The following SMC5 variants were observed in gnomAD, a reference collection of about 807,000 sequenced individuals.
The protein encoded by SMC5 is structural maintenance of chromosomes protein 5.
Under a neutral mutation model 148.3 loss-of-function variants are expected in SMC5, and 88 were observed. The observed-to-expected ratio is 0.59, with a 90% CI of 0.50 to 0.71. The LOEUF is 0.71. Ranked by LOEUF, SMC5 falls within the 30% of genes least tolerant of loss-of-function variation. The probability of loss-of-function intolerance (pLI) is 0.00; values close to 1 mark genes in which losing one functional copy is unlikely to be tolerated. For missense variants in SMC5, 1,142 were observed against 1,298.9 expected, an observed-to-expected ratio of 0.88 and a Z score of 1.86; for synonymous variants, 421 against 432.8, an observed-to-expected ratio of 0.97 and a Z score of 0.34.
At position 70,259,090 on chromosome 9, in the gene SMC5, G is replaced by C; in HGVS notation, c.12G>C (p.Pro4=). The part of the protein sequence containing the change: MAT[P]SKKTSTPSPQ... ...CTGAGGAAGCCAGGATGGCGACTCCGAGCAAGAAGACGTCAACTCCAAGCC... is the reference window on the plus strand; with the variant it reads ...CTGAGGAAGCCAGGATGGCGACTCCCAGCAAGAAGACGTCAACTCCAAGCC... The change falls in exon 1 of 25, where the codon CCG becomes CCC. Residue 4 remains proline, a synonymous_variant. Transcript: ENST00000361138. The C allele has an allele frequency of 6.2e-7, 1 of 1,606,992 alleles. No homozygotes were observed. Among genetic ancestry groups the C allele is most frequent in the Admixed American group, 1.7e-5 (1 of 59,246 alleles).
chr9:70,269,584 AAAAAAC>A (rs1447507374), intron 3 of SMC5, among the ~76,000 whole-genome samples: 1 of 152,192 alleles, frequency 6.6e-6, no homozygotes, highest in African/African-American at 2.4e-5. Context: ...CTGTCTGCAA[AAAAAAC>A]AAAAACAAAA....
At chr9:70,325,179 A>G (rs1053402622) in intron 17 of SMC5, among the ~76,000 whole-genome samples, 10 of 152,190 alleles carry the variant, frequency 6.6e-5, no homozygotes, top group Admixed American at 5.2e-4. Flanking sequence ...GGCATTTTCT[A>G]TCCCCATCCT....
intron 17 of SMC5, among the ~76,000 whole-genome samples, chr9:70,327,246 A>T (rs929918534): frequency 6.6e-6 from 1 of 152,236 alleles, no homozygotes; most frequent in Admixed American, 6.5e-5. Flanking sequence ...TCATCTTTTC[A>T]TAACAAAAGT....
intron 17 of SMC5, among the ~76,000 whole-genome samples, chr9:70,337,050 T>G (rs1215493560): frequency 2.6e-5 from 4 of 152,102 alleles, no homozygotes; most frequent in African/African-American, 9.7e-5. Context: ...TCGTGAGACT[T>G]ACTGTCATGA....
intron 3 of SMC5, among the ~76,000 whole-genome samples, chr9:70,275,369 T>G: frequency 6.6e-6 from 1 of 152,074 alleles, no homozygotes; most frequent in South Asian, 2.1e-4. Flanking sequence ...TTTTAAATTT[T>G]TTTTATTTTT....
chr9:70,288,378 AT>A (rs528206299), intron 8 of SMC5, among the ~76,000 whole-genome samples: 1 of 151,782 alleles, frequency 6.6e-6, no homozygotes, highest in African/African-American at 2.4e-5. Context: ...TTGTGTATCC[AT>A]TTTTTCCCCC....
In SMC5 at chr9:70,304,807, T is replaced by C. The variant is rs532145692; in HGVS notation, c.1465-440T>C. Among the ~76,000 whole-genome samples the C allele has an allele frequency of 1.3e-4, 20 of 152,140 alleles. No individual in the cohort carries two copies. In the East Asian group the frequency reaches 1.7e-3, roughly 13 times the overall value. ...TAAGCCATAGCAAGGTTTTTTTTTT[T>C]CCCCATTAGTTTTATAAAGTTTAAA... On this transcript the variant is annotated intron_variant, in intron 10 of 24. Transcript: ENST00000361138.
chr9:70,309,238 A>C (rs1351626952), intron 11 of SMC5, among the ~76,000 whole-genome samples: 1 of 149,716 alleles, frequency 6.7e-6, no homozygotes, highest in East Asian at 2.0e-4. Context: ...TACCACATTG[A>C]TCAACTCTTC....
intron 3 of SMC5, among the ~76,000 whole-genome samples, chr9:70,269,448 T>C (rs993435332): frequency 1.3e-5 from 2 of 151,986 alleles, no homozygotes; most frequent in East Asian, 1.9e-4. Flanking sequence ...CAGGCCTGGC[T>C]GCGCACCTGT....
At chr9:70,304,826 G>A (rs2035455654) in intron 10 of SMC5, among the ~76,000 whole-genome samples, 1 of 151,758 alleles carries the variant, frequency 6.6e-6, no homozygotes, top group South Asian at 2.1e-4. Flanking sequence ...GTTTTATAAA[G>A]TTTAAAGTTC....
intron 3 of SMC5, among the ~76,000 whole-genome samples, chr9:70,270,215 G>A (rs569835672): frequency 6.6e-6 from 1 of 152,268 alleles, no homozygotes; most frequent in Non-Finnish European, 1.5e-5. Context: ...GCTAGGATGG[G>A]AAACACTTAG....
chr9:70,317,645 C>T (rs2035837755), intron 13 of SMC5, among the ~76,000 whole-genome samples: 1 of 152,068 alleles, frequency 6.6e-6, no homozygotes, highest in Admixed American at 6.6e-5. Flanking sequence ...TTGGAAACAA[C>T]CTCTAAAAAT....
chr9:70,318,758 T>C lies in SMC5; in HGVS notation c.1981-36T>C, dbSNP rs779637231. The stretch of plus-strand genomic sequence containing the variant: ...TTCTAATAGTTTCACTGGAACAGTT[T>C]TTTAAATATGTTAACAATTTTTAAA... On this transcript the variant is annotated intron_variant, in intron 14 of 24. Transcript: ENST00000361138. 5.2e-6 allele frequency: 8 copies of C among 1,552,146 alleles called. No homozygotes were observed. In the African/African-American group the frequency reaches 7.0e-5, roughly 14 times the overall value.
chr9:70,295,708 G>A (rs2035184180), intron 8 of SMC5, among the ~76,000 whole-genome samples: 1 of 152,052 alleles, frequency 6.6e-6, no homozygotes, highest in African/African-American at 2.4e-5. Context: ...AGGGATCGTT[G>A]GGCTGCTTTT....
In SMC5 at chr9:70,344,153, AT is replaced by A; in HGVS notation, c.2409del (p.Ile803MetfsTer18). The A allele has an allele frequency of 6.6e-7, 1 of 1,520,198 alleles. No homozygotes were observed. The highest frequency in any genetic ancestry group is 8.8e-7 in the Non-Finnish European group (1 of 1,133,396). 94.2% of individuals were successfully genotyped at this position (1,520,198 alleles called of 1,614,324 possible). ...SQLRLTEQHFIELDENRQRLL... is the reference protein window; with the variant it reads ...SQLRLTEQHFXELDENRQRLL... ...TAAATTTTTTTAATAGCAACATTTCATTGAATTGGATGAAAATAGACAGAGA... is the reference window on the plus strand; with the variant it reads ...TAAATTTTTTTAATAGCAACATTTCATGAATTGGATGAAAATAGACAGAGA... On this transcript the variant is annotated frameshift_variant, in exon 18 of 25. Transcript: ENST00000361138. LOFTEE classifies it high-confidence loss of function.
chr9:70,294,206 C>T (rs2035137606), intron 8 of SMC5, among the ~76,000 whole-genome samples: 1 of 151,998 alleles, frequency 6.6e-6, no homozygotes, highest in South Asian at 2.1e-4. Flanking sequence ...GGAAGGAAGG[C>T]AGCAATAAAG....
chr9:70,307,949 C>T (rs865791425), intron 11 of SMC5, among the ~76,000 whole-genome samples: 2 of 152,156 alleles, frequency 1.3e-5, no homozygotes, highest in African/African-American at 4.8e-5. Context: ...ACAGGCACAT[C>T]TTGAGTGTAT....
At chr9:70,300,565 G>A (rs1256354756) in intron 10 of SMC5, among the ~76,000 whole-genome samples, 1 of 151,906 alleles carries the variant, frequency 6.6e-6, no homozygotes, top group East Asian at 1.9e-4. Context: ...GTTGATTAAA[G>A]GAAAAAAACT....
intron 17 of SMC5, among the ~76,000 whole-genome samples, chr9:70,333,719 A>G (rs1260064543): frequency 1.3e-5 from 2 of 152,182 alleles, no homozygotes; most frequent in African/African-American, 2.4e-5. Context: ...TGACAGAGTA[A>G]GACTCTGTCC....
Sources: gnomAD v4.1 joint callset for allele counts (sites outside exome capture counted in the v4.1 genomes callset) on GRCh38, gnomAD v4.1.1 for gene constraint, MANE v1.5 for transcripts, NCBI Gene and HGNC (gene_info 2026-07-23, HGNC 2026-07-21) for gene names.